The following TACC1 variants were observed in gnomAD, a reference collection of about 807,000 sequenced individuals.
TACC1 encodes the protein transforming acidic coiled-coil-containing protein 1.
Under a neutral mutation model 84.4 loss-of-function variants are expected in TACC1, and 48 were observed. The observed-to-expected ratio is 0.57, with a 90% CI of 0.45 to 0.72. TACC1 has a LOEUF of 0.72. TACC1 is among the 30% of genes least tolerant of loss of function. The pLI is 0.00. For synonymous variants in TACC1, 372 were observed against 376.3 expected (o/e 0.99, Z 0.13); for missense variants, 920 against 973.0 (o/e 0.95, Z 0.72).
chr8:38,837,713 C>G (rs1830496289), intron 7 of TACC1, among the ~76,000 whole-genome samples: 1 of 152,196 alleles, frequency 6.6e-6, no homozygotes, highest in Non-Finnish European at 1.5e-5. Flanking sequence ...ATACATCCTT[C>G]TATGTTCTTG....
intron 8 of TACC1, 24 bp from the exon 9 acceptor site, chr8:38,840,200 A>G: frequency 6.3e-7 from 1 of 1,587,422 alleles, no homozygotes; most frequent in Non-Finnish European, 8.6e-7. Context: ...TCCTCTGGTA[A>G]TAAGTTCTTT....
Position 38,774,504 on chromosome 8 carries a change from T to A in TACC1, c.27-14200T>A, listed in dbSNP as rs571786835. On this transcript the variant is annotated intron_variant, in intron 3 of 14. Coordinates refer to the TACC1 transcript ENST00000518415. The stretch of plus-strand genomic sequence containing the variant: ...GTATTTAAAAATACATTTTTTATTA[T>A]TGTTTTGAGACAGAGTCTCACTCTA... 5.3e-5 allele frequency among the ~76,000 whole-genome samples: 8 copies of A among 152,294 alleles called. No homozygotes were observed. The East Asian group carries it at 1.5e-3, about 29-fold the overall frequency.
In TACC1 at chr8:38,751,093, TAA is replaced by T. The variant is rs1808949060; in HGVS notation, c.26+5602_26+5603del. On this transcript the variant is annotated intron_variant, in intron 3 of 14. Transcript: ENST00000518415. The stretch of plus-strand genomic sequence containing the variant: ...ATTCTTTGATCTATAAATTGGCATT[TAA>T]ATAATTTCCAAATGAGGAGAGATGG... Among the ~76,000 whole-genome samples, 3 of 152,190 alleles carry T rather than the reference TAA, an allele frequency of 2.0e-5. No homozygotes were observed. The South Asian group carries it at 6.2e-4, about 32-fold the overall frequency.
intron 2 of TACC1, among the ~76,000 whole-genome samples, chr8:38,814,455 G>C (rs150784818): frequency 6.6e-6 from 1 of 152,146 alleles, no homozygotes; most frequent in Non-Finnish European, 1.5e-5. Flanking sequence ...CAAATACTTA[G>C]CATTGTGTTA....
Position 38,787,538 on chromosome 8 carries a change from C to A in TACC1, c.-45C>A. 1 of 1,492,490 alleles carries A rather than the reference C, an allele frequency of 6.7e-7. No homozygotes were observed. Among genetic ancestry groups the A allele is most frequent in the Non-Finnish European group, 8.9e-7 (1 of 1,125,110 alleles). 92.5% of individuals were successfully genotyped at this position (1,492,490 alleles called of 1,614,324 possible). ...TTGAAAGGGAAAAAGGCTCTCCCCA[C>A]CCATTCCCCTGCCCCTAGGAGCTGG... On this transcript the variant is annotated 5_prime_UTR_variant, in exon 1 of 13. Coordinates refer to ENST00000317827, the MANE Select transcript of TACC1 (RefSeq NM_006283.3).
chr8:38,800,302 T>C (rs1821055461), intron 2 of TACC1, among the ~76,000 whole-genome samples: 1 of 152,258 alleles, frequency 6.6e-6, no homozygotes, highest in African/African-American at 2.4e-5. Flanking sequence ...AAAAGCTTTA[T>C]GATAGTTTTT....
At chr8:38,839,602 G>A (rs1026200091) in intron 8 of TACC1, 2 of 272,706 alleles carry the variant, frequency 7.3e-6, no homozygotes, top group African/African-American at 2.2e-5. Context: ...CGTCAAAAGT[G>A]ATGGGGGCAC....
intron 3 of TACC1, among the ~76,000 whole-genome samples, chr8:38,775,826 T>C (rs922566262): frequency 1.3e-5 from 2 of 152,234 alleles, no homozygotes; most frequent in Non-Finnish European, 2.9e-5. Context: ...AAGATATTCC[T>C]ATATCATACA....
chr8:38,783,106 CTATATATATA>C (rs72048692), upstream of TACC1, among the ~76,000 whole-genome samples: 31 of 87,456 alleles, frequency 3.5e-4, no homozygotes, highest in African/African-American at 8.9e-4. Context: ...ATCTATCTAT[CTATATATATA>C]TATATATATA....
At chr8:38,768,206 G>A (rs1337280640) in intron 3 of TACC1, among the ~76,000 whole-genome samples, 4 of 152,142 alleles carry the variant, frequency 2.6e-5, no homozygotes, top group Non-Finnish European at 5.9e-5. Flanking sequence ...TCTGCTGGTC[G>A]GGATCCTGCC....
chr8:38,825,318 A>T lies in TACC1; in HGVS notation c.1402A>T (p.Lys468Ter). Residue 468 changes from lysine to a stop codon, truncating the protein, a stop_gained, in exon 4 of 13, where the codon AAG becomes TAG. Transcript: ENST00000317827. LOFTEE classifies it high-confidence loss of function. ...TTCTTCTCTTTCCAGGAGTGGCTGT[A>T]AGGTGAAGAAGCATGAAACTCAGTC... is the stretch of plus-strand genomic sequence containing the variant. Reference protein sequence around the residue: ...AKSRLITSGCKVKKHETQSLA... With the variant: ...AKSRLITSGC The T allele has an allele frequency of 1.2e-6, 2 of 1,614,042 alleles. No individual in the cohort carries two copies. Among genetic ancestry groups the T allele is most frequent in the Non-Finnish European group, 1.7e-6 (2 of 1,179,980 alleles).
Position 38,846,812 on chromosome 8 carries a change from A to G in TACC1, c.2342A>G (p.Gln781Arg), listed in dbSNP as rs1338324126. 1.9e-6 allele frequency: 3 copies of G among 1,614,200 alleles called. No homozygotes were observed. The Admixed American group carries it at 5.0e-5, about 27-fold the overall frequency. ...GTGGAGTCCCTGGAAAGGGCCCTGC[A>G]GCAGAAGGTACAGAAAGGGACCTGA... The part of the protein sequence containing the change: ...MKVESLERAL[Q>R]QKNQEIEELT... The change falls in exon 12 of 13, where the codon CAG (glutamine) becomes CGG (arginine). Residue 781 changes from glutamine (Q) to arginine (R), a missense_variant. By Grantham distance (43) the Gln-to-Arg change is conservative. Transcript: ENST00000317827.
chr8:38,733,248 C>G (rs1586994760), intron 1 of TACC1, among the ~76,000 whole-genome samples: 1 of 152,074 alleles, frequency 6.6e-6, no homozygotes, highest in African/African-American at 2.4e-5. Context: ...TGGACTCCCA[C>G]CAAGCCCCGC....
intron 2 of TACC1, among the ~76,000 whole-genome samples, chr8:38,806,290 G>A (rs544582378): frequency 2.6e-5 from 4 of 152,148 alleles, no homozygotes; most frequent in East Asian, 3.9e-4. Flanking sequence ...CCTTGACTCC[G>A]TCATGCCATC....
At chr8:38,762,504 T>A (rs960005060) in intron 3 of TACC1, among the ~76,000 whole-genome samples, 2 of 152,212 alleles carry the variant, frequency 1.3e-5, no homozygotes, top group African/African-American at 4.8e-5. Flanking sequence ...CACATTTTGT[T>A]TATTCATTCA....
chr8:38,835,340 T>C (rs1289403189), intron 6 of TACC1, among the ~76,000 whole-genome samples: 1 of 152,038 alleles, frequency 6.6e-6, no homozygotes, highest in African/African-American at 2.4e-5. Context: ...ACAAAGTCCA[T>C]GTTCTCATGA....
chr8:38,771,643 C>T (rs1034541503), intron 3 of TACC1, among the ~76,000 whole-genome samples: 1 of 152,150 alleles, frequency 6.6e-6, no homozygotes. Flanking sequence ...CACCTGGAGG[C>T]CTTCTTATAA....
chr8:38,728,701 G>A (rs1011215866), intron 1 of TACC1: 3 of 152,266 alleles, frequency 2.0e-5, no homozygotes, highest in Admixed American at 6.5e-5. Context: ...ACGTTCCTGA[G>A]GCCACTTCAC....
intron 2 of TACC1, chr8:38,799,928 G>A (rs939374888): frequency 1.6e-4 from 25 of 152,366 alleles, no homozygotes; most frequent in African/African-American, 5.8e-4. Context: ...AGCACTTTGG[G>A]AGGCCAAAGC....
Sources: gnomAD v4.1 joint callset for allele counts (sites outside exome capture counted in the v4.1 genomes callset) on GRCh38, gnomAD v4.1.1 for gene constraint, MANE v1.5 for transcripts, NCBI Gene and HGNC (gene_info 2026-07-23, HGNC 2026-07-21) for gene names.